Variants in FGF14 observed in about 807,000 individuals in gnomAD.
The protein encoded by FGF14 is fibroblast growth factor 14, also known as fibroblast growth factor homologous factor 4.
In FGF14, 5 loss-of-function variants were observed where a neutral mutation model predicts 25.5. That is an observed-to-expected ratio of 0.20 (90% CI 0.10 to 0.41). FGF14 has a LOEUF of 0.41. FGF14 is among the 10% of genes least tolerant of loss of function. The pLI is 1.00. For synonymous variants in FGF14, 138 were observed against 118.3 expected (o/e 1.17, Z -1.08); for missense variants, 222 against 320.1 (o/e 0.69, Z 2.34).
intron 1 of FGF14, among the ~76,000 whole-genome samples, chr13:102,055,896 C>T (rs1188543744): frequency 2.6e-5 from 4 of 152,138 alleles, no homozygotes; most frequent in East Asian, 3.9e-4. Context: ...AAGTGAAAGG[C>T]ACATCATACC....
At chr13:102,116,791 A>C (rs2045492889) in intron 1 of FGF14, among the ~76,000 whole-genome samples, 1 of 152,212 alleles carries the variant, frequency 6.6e-6, no homozygotes, top group Non-Finnish European at 1.5e-5. Flanking sequence ...ACTGAATTTT[A>C]AAGGTAAGAG....
chr13:102,285,770 TA>T (rs1264373627), intron 1 of FGF14, among the ~76,000 whole-genome samples: 5 of 152,214 alleles, frequency 3.3e-5, no homozygotes, highest in Non-Finnish European at 5.9e-5. Flanking sequence ...GGGTAGGTAT[TA>T]TTTTTATTCC....
intron 1 of FGF14, among the ~76,000 whole-genome samples, chr13:102,198,838 A>G (rs2140867815): frequency 6.6e-6 from 1 of 152,280 alleles, no homozygotes; most frequent in South Asian, 2.1e-4. Flanking sequence ...TATCTCTGAC[A>G]TGGCTTATGG....
intron 3 of FGF14, among the ~76,000 whole-genome samples, chr13:101,864,513 C>A (rs1341165862): frequency 6.6e-6 from 1 of 152,118 alleles, no homozygotes; most frequent in African/African-American, 2.4e-5. Context: ...TCCCATTAGA[C>A]CCACTGAACT....
intron 3 of FGF14, among the ~76,000 whole-genome samples, chr13:101,732,445 A>G (rs1276593760): frequency 6.6e-6 from 1 of 152,200 alleles, no homozygotes; most frequent in Non-Finnish European, 1.5e-5. Flanking sequence ...TACATGATAA[A>G]TAATAGCTAC....
intron 1 of FGF14, among the ~76,000 whole-genome samples, chr13:101,944,531 A>C (rs2139342569): frequency 6.6e-6 from 1 of 152,332 alleles, no homozygotes; most frequent in South Asian, 2.1e-4. Context: ...TTGGACTATC[A>C]AATACGTATT....
chr13:102,090,911 T>C (rs911169567), intron 1 of FGF14, among the ~76,000 whole-genome samples: 1 of 152,246 alleles, frequency 6.6e-6, no homozygotes, highest in African/African-American at 2.4e-5. Flanking sequence ...GTATATATTA[T>C]ACTGTCTGAA....
chr13:102,319,226 C>A (rs563716587), intron 1 of FGF14, among the ~76,000 whole-genome samples: 166 of 152,220 alleles, frequency 1.1e-3, no homozygotes, highest in Admixed American at 3.5e-3. Context: ...AAAGGGAGAT[C>A]AGAAAGAACT....
chr13:102,229,940 C>T (rs961024346), intron 1 of FGF14, among the ~76,000 whole-genome samples: 3 of 152,260 alleles, frequency 2.0e-5, no homozygotes, highest in African/African-American at 4.8e-5. Flanking sequence ...CATTAAATGA[C>T]GATTCTATTC....
chr13:102,359,244 T>C (rs948165233), intron 1 of FGF14, among the ~76,000 whole-genome samples: 5 of 152,090 alleles, frequency 3.3e-5, no homozygotes, highest in Admixed American at 6.6e-5. Flanking sequence ...GATGGGTTGA[T>C]AGATGCAGCA....
chr13:101,774,515 G>A (rs1887699), intron 3 of FGF14, among the ~76,000 whole-genome samples: 64,459 of 151,904 alleles, frequency 0.42, 14,902 homozygotes, highest in Non-Finnish European at 0.52. Context: ...AATACGGCCA[G>A]AGGAATGAAG....
chr13:102,109,790 T>C (rs1392436013), intron 1 of FGF14, among the ~76,000 whole-genome samples: 1 of 152,140 alleles, frequency 6.6e-6, no homozygotes, highest in Non-Finnish European at 1.5e-5. Flanking sequence ...CAGGTAATTT[T>C]TGTATTTTTA....
chr13:102,025,499 C>G (rs753236834), intron 1 of FGF14, among the ~76,000 whole-genome samples: 38 of 152,094 alleles, frequency 2.5e-4, no homozygotes, highest in South Asian at 1.2e-3. Flanking sequence ...ACTTCTACCT[C>G]CAGGGTTCAA....
intron 1 of FGF14, among the ~76,000 whole-genome samples, chr13:102,226,522 A>G (rs748369890): frequency 1.3e-5 from 2 of 152,146 alleles, no homozygotes; most frequent in Middle Eastern, 3.2e-3. Context: ...AATATTTTTG[A>G]GATGTTCTTC....
At chr13:101,751,014 CA>C (rs201076474) in intron 3 of FGF14, among the ~76,000 whole-genome samples, 1,709 of 151,822 alleles carry the variant, frequency 0.011, 17 homozygotes, top group East Asian at 0.041. Context: ...CAGTGGTTGC[CA>C]AGGTCTAGAG....
At chr13:102,324,073 G>A (rs2056341388) in intron 1 of FGF14, among the ~76,000 whole-genome samples, 1 of 151,400 alleles carries the variant, frequency 6.6e-6, no homozygotes, top group East Asian at 1.9e-4. Flanking sequence ...ATATATCCTT[G>A]TCTGATTTTA....
intron 3 of FGF14, among the ~76,000 whole-genome samples, chr13:101,808,344 G>C (rs961414710): frequency 2.0e-5 from 3 of 151,164 alleles, no homozygotes; most frequent in Non-Finnish European, 3.0e-5. Flanking sequence ...TCTTCTTTCT[G>C]TGCTTCTTTA....
At chr13:101,907,982 A>T (rs2032453521) in intron 1 of FGF14, among the ~76,000 whole-genome samples, 1 of 152,180 alleles carries the variant, frequency 6.6e-6, no homozygotes, top group African/African-American at 2.4e-5. Context: ...GACTTATAAA[A>T]GCAGTTGTGG....
chr13:101,877,127 A>C (rs1026337888), intron 1 of FGF14, among the ~76,000 whole-genome samples: 1 of 152,140 alleles, frequency 6.6e-6, no homozygotes, highest in African/African-American at 2.4e-5. Context: ...AGATCAGGCG[A>C]GGCAGTGAGA....
Sources: allele counts gnomAD v4.1 joint callset (sites outside exome capture counted in the v4.1 genomes callset), GRCh38; gene constraint gnomAD v4.1.1; transcripts MANE v1.5; gene names NCBI Gene and HGNC (gene_info 2026-07-23, HGNC 2026-07-21).